Variants in BANP observed in about 807,000 individuals in gnomAD.
BANP encodes BTG3 associated nuclear protein.
In BANP, 11 loss-of-function variants were observed where a neutral mutation model predicts 68.1. That is an observed-to-expected ratio of 0.16 (90% CI 0.10 to 0.27). The LOEUF is 0.27. Ranked by LOEUF, BANP falls within the 10% of genes least tolerant of loss-of-function variation. The probability of loss-of-function intolerance (pLI) is 1.00; values close to 1 mark genes in which losing one functional copy is unlikely to be tolerated. For missense variants in BANP, 504 were observed against 722.7 expected, an observed-to-expected ratio of 0.70 and a Z score of 3.47; for synonymous variants, 329 against 303.2, an observed-to-expected ratio of 1.09 and a Z score of -0.88.
At chr16:88,055,522 G>C (rs11861221) in intron 11 of BANP, among the ~76,000 whole-genome samples, 14,311 of 152,180 alleles carry the variant, frequency 0.094, 1,538 homozygotes, top group African/African-American at 0.26. Flanking sequence ...GTTTCAGAAG[G>C]CTTCAGAATC....
At chr16:87,964,708 G>A (rs1395716876) in intron 1 of BANP, among the ~76,000 whole-genome samples, 4 of 93,100 alleles carry the variant, frequency 4.3e-5, no homozygotes, top group Non-Finnish European at 9.2e-5. Context: ...CAGTGAGACG[G>A]CCGTATGTGA....
intron 11 of BANP, among the ~76,000 whole-genome samples, chr16:88,039,572 C>G (rs2080247043): frequency 7.0e-6 from 1 of 142,690 alleles, no homozygotes; most frequent in African/African-American, 2.4e-5. Flanking sequence ...ACAAAATCCA[C>G]TTGGAATTTT....
At chr16:87,974,600 C>T (rs935592662) in intron 1 of BANP, among the ~76,000 whole-genome samples, 5 of 152,162 alleles carry the variant, frequency 3.3e-5, no homozygotes, top group Admixed American at 6.5e-5. Flanking sequence ...CGTATCACCA[C>T]GGAGACCAGT....
At chr16:88,005,421 A>G (rs2070711583) in intron 5 of BANP, among the ~76,000 whole-genome samples, 2 of 152,226 alleles carry the variant, frequency 1.3e-5, no homozygotes, top group Non-Finnish European at 2.9e-5. Context: ...GGTGCGTAGC[A>G]GTCCACGGTA....
At chr16:87,959,372 C>T (rs1455995768) in intron 1 of BANP, among the ~76,000 whole-genome samples, 1 of 152,262 alleles carries the variant, frequency 6.6e-6, no homozygotes. Flanking sequence ...GGTTGTGGGC[C>T]CTCACGTGCC....
At chr16:87,963,731 T>TC (rs1308566647) in intron 1 of BANP, among the ~76,000 whole-genome samples, 1 of 152,226 alleles carries the variant, frequency 6.6e-6, no homozygotes, top group Non-Finnish European at 1.5e-5. Context: ...ACAGAGAAGA[T>TC]CCTGGTGTTG....
intron 4 of BANP, among the ~76,000 whole-genome samples, chr16:87,988,097 G>T (rs1201167736): frequency 6.6e-6 from 1 of 151,946 alleles, no homozygotes; most frequent in Non-Finnish European, 1.5e-5. Flanking sequence ...GTATGTCAAT[G>T]AAAAAAAGTA....
chr16:88,007,329 A>C (rs1490073937), intron 6 of BANP, among the ~76,000 whole-genome samples: 22 of 152,170 alleles, frequency 1.4e-4, no homozygotes, highest in Admixed American at 2.0e-4. Flanking sequence ...GTTCCATGGC[A>C]CAGGATGCAT....
Position 88,003,333 on chromosome 16 carries a change from C to G in BANP, c.363-962C>G, listed in dbSNP as rs1350982982. ...CTGGCACTCAATGTGGGGACAGTTA[C>G]AGTGATACTAGGCTAGAATTTCCTA... On this transcript the variant is annotated intron_variant, in intron 4 of 13. Coordinates refer to ENST00000682872, the MANE Select transcript of BANP (RefSeq NM_001386991.1). The surrounding 1 kb of genome is among the most constrained non-coding windows in gnomAD (Gnocchi z 6.1). 1 of 409,980 alleles carries G rather than the reference C, an allele frequency of 2.4e-6. No homozygotes were observed. Among genetic ancestry groups the G allele is most frequent in the Non-Finnish European group, 4.9e-6 (1 of 203,620 alleles). The allele number at this position is 409,980 out of a possible 1,614,324, so 25.4% of individuals were successfully genotyped here. A position where few individuals can be genotyped will look rare whatever the true frequency, so the allele number is the denominator to read the frequency against.
intron 6 of BANP, among the ~76,000 whole-genome samples, chr16:88,016,661 C>G (rs561077032): frequency 4.6e-5 from 7 of 152,240 alleles, no homozygotes; most frequent in African/African-American, 1.7e-4. Context: ...TTTGCAGCTG[C>G]GGCCTTTAGA....
chr16:88,012,422 T>C (rs746403330), intron 6 of BANP, among the ~76,000 whole-genome samples: 7 of 152,192 alleles, frequency 4.6e-5, no homozygotes, highest in Non-Finnish European at 8.8e-5. Flanking sequence ...CTGGAGATGG[T>C]GAGGCTGACC....
chr16:87,962,684 T>C (rs1278522949), intron 1 of BANP, among the ~76,000 whole-genome samples: 1 of 152,244 alleles, frequency 6.6e-6, no homozygotes, highest in Non-Finnish European at 1.5e-5. Flanking sequence ...TGGGGGGCCA[T>C]CTTAAAGAAA....
intron 11 of BANP, among the ~76,000 whole-genome samples, chr16:88,041,097 T>G (rs1284855110): frequency 2.0e-5 from 3 of 152,258 alleles, no homozygotes; most frequent in African/African-American, 7.2e-5. Context: ...GCCCCTTTCC[T>G]TGTGCTGGGC....
intron 10 of BANP, 71 bp from the exon 11 acceptor site, chr16:88,037,902 G>A (rs2079760175): frequency 9.5e-6 from 14 of 1,471,698 alleles, no homozygotes; most frequent in South Asian, 4.5e-5. Context: ...GTGTCTTGGC[G>A]TGTTTGCCGT....
chr16:88,058,554 C>T (rs1468145698), intron 11 of BANP, among the ~76,000 whole-genome samples: 1 of 152,186 alleles, frequency 6.6e-6, no homozygotes. Context: ...CAGGCTGTTT[C>T]CTCTCACACA....
Position 88,064,151 on chromosome 16 carries a change from G to A in BANP, c.1312-1116G>A, listed in dbSNP as rs2087741046. Among the ~76,000 whole-genome samples, 1 of 151,550 alleles carries A rather than the reference G, an allele frequency of 6.6e-6. No homozygotes were observed. Among genetic ancestry groups the A allele is most frequent in the Non-Finnish European group, 1.5e-5 (1 of 67,862 alleles). ...GGGTCAGGGGGCTCTCTTCAGAGAC[G>A]GCAGAGCACGAGGCTGGGGCAGGAG... On this transcript the variant is annotated intron_variant, in intron 11 of 13. Coordinates refer to ENST00000682872, the MANE Select transcript of BANP (RefSeq NM_001386991.1). This position sits in a 1 kb window ranked among gnomAD's most constrained non-coding sequence, Gnocchi z 4.5.
intron 6 of BANP, among the ~76,000 whole-genome samples, chr16:88,006,906 C>G (rs866673314): frequency 7.2e-6 from 1 of 138,174 alleles, no homozygotes; most frequent in Non-Finnish European, 1.5e-5. Context: ...GAGCTGAGAT[C>G]GCACCACTGT....
At chr16:88,017,824 C>G (rs1400482379) in intron 6 of BANP, among the ~76,000 whole-genome samples, 1 of 152,248 alleles carries the variant, frequency 6.6e-6, no homozygotes, top group African/African-American at 2.4e-5. Context: ...TGGCGCATTC[C>G]CACACCTGAA....
At chr16:88,056,461 CTTT>C (rs5818659) in intron 11 of BANP, among the ~76,000 whole-genome samples, 10 of 119,698 alleles carry the variant, frequency 8.4e-5, no homozygotes, top group Admixed American at 1.8e-4. Context: ...TATTCTCTCT[CTTT>C]TTTTTTTTTT....
Sources: allele counts gnomAD v4.1 joint callset (sites outside exome capture counted in the v4.1 genomes callset), GRCh38; gene constraint gnomAD v4.1.1; non-coding constraint Gnocchi (gnomAD v3.1); transcripts MANE v1.5; gene names NCBI Gene and HGNC (gene_info 2026-07-23, HGNC 2026-07-21).